The following ALK variants were observed in gnomAD, a reference collection of about 807,000 sequenced individuals.
ALK encodes the protein ALK tyrosine kinase receptor.
A neutral mutation model predicts 163.1 loss-of-function variants in ALK; 74 were observed. That is an observed-to-expected ratio of 0.45 (90% CI 0.38 to 0.55). The LOEUF (loss-of-function observed/expected upper bound fraction) is 0.55. Ranked by LOEUF, ALK falls within the 20% of genes least tolerant of loss-of-function variation. The probability of loss-of-function intolerance (pLI) is 0.00; values close to 1 mark genes in which losing one functional copy is unlikely to be tolerated. For synonymous variants in ALK, 960 were observed against 843.2 expected, an observed-to-expected ratio of 1.14 and a Z score of -2.40; for missense variants, 2,063 against 2,105.3, an observed-to-expected ratio of 0.98 and a Z score of 0.39.
At chr2:29,752,160 C>A (rs1010869362) in intron 1 of ALK, among the ~76,000 whole-genome samples, 2 of 152,040 alleles carry the variant, frequency 1.3e-5, no homozygotes, top group Non-Finnish European at 2.9e-5. Context: ...TCAGTAGAAA[C>A]CATATTTTAA....
At chr2:29,824,699 C>T (rs1406551501) in intron 1 of ALK, among the ~76,000 whole-genome samples, 1 of 152,246 alleles carries the variant, frequency 6.6e-6, no homozygotes, top group African/African-American at 2.4e-5. Flanking sequence ...TACCCAATGC[C>T]TGTACCCCCA....
Position 29,227,574 on chromosome 2 carries a change from C to T in ALK, c.2914G>A (p.Val972Met). The T allele has an allele frequency of 6.2e-7, 1 of 1,613,180 alleles. No homozygotes were observed. The highest frequency in any genetic ancestry group is 8.5e-7 in the Non-Finnish European group (1 of 1,179,188). The part of the protein sequence containing the change: ...LGILYTPALK[V>M]MEGHGEVNIK... ...TTCTGCTGCCTGGCAGAGAAGCTAC[C>T]TTTTAAAGCTGGGGTGTACAGGATG... Residue 972 changes from valine to methionine, a missense_variant and splice_region_variant, in exon 17 of 29, where the codon GTG becomes ATG. Physicochemically the swap from Val to Met is conservative, Grantham distance 21. Around this residue, in one of 5 missense-constraint regions of ALK, gnomAD observed 575 missense variants for 626.6 expected, o/e 0.92. Transcript: ENST00000389048. The surrounding 1 kb of genome is among the most constrained non-coding windows in gnomAD (Gnocchi z 4.4).
At chr2:29,453,835 G>GT (rs1209226522) in intron 4 of ALK, among the ~76,000 whole-genome samples, 1 of 152,138 alleles carries the variant, frequency 6.6e-6, no homozygotes, top group Non-Finnish European at 1.5e-5. Flanking sequence ...GAACAGGCCT[G>GT]TTAAGGACCT....
chr2:29,301,225 G>C (rs1188093439), intron 8 of ALK, among the ~76,000 whole-genome samples: 2 of 151,998 alleles, frequency 1.3e-5, no homozygotes, highest in South Asian at 2.1e-4. Context: ...TTTTCCTTCT[G>C]TCTTCTTAAA....
chr2:29,463,955 C>T (rs532694764), intron 4 of ALK, among the ~76,000 whole-genome samples: 2 of 152,308 alleles, frequency 1.3e-5, no homozygotes, highest in Admixed American at 1.3e-4. Flanking sequence ...AGAAAAGTTA[C>T]ACTTTCCCAG....
At position 29,566,186 on chromosome 2, in the gene ALK, G is replaced by A. The variant is rs116588845; in HGVS notation, c.953-34070C>T. 5.9e-3 allele frequency among the ~76,000 whole-genome samples: 900 copies of A among 152,236 alleles called. 8 individuals carry two copies. Among genetic ancestry groups the A allele is most frequent in the Non-Finnish European group, 6.5e-3 (442 of 68,028 alleles). On this transcript the variant is annotated intron_variant, in intron 3 of 28. Coordinates refer to ENST00000389048, the MANE Select transcript of ALK (RefSeq NM_004304.5). Reference sequence around the variant, plus strand: ...CGGTCCAATTTATTTCTGCATGTTCGCGAGGGCCATTCACCATGGCCAAAT... The same window carrying A: ...CGGTCCAATTTATTTCTGCATGTTCACGAGGGCCATTCACCATGGCCAAAT...
intron 4 of ALK, among the ~76,000 whole-genome samples, chr2:29,451,864 T>C (rs921421161): frequency 6.6e-6 from 1 of 152,328 alleles, no homozygotes; most frequent in African/African-American, 2.4e-5. Context: ...CGCTGTCCAG[T>C]GGACGTTATT....
intron 28 of ALK, among the ~76,000 whole-genome samples, chr2:29,195,312 G>A (rs1035806244): frequency 6.6e-6 from 1 of 152,146 alleles, no homozygotes; most frequent in Non-Finnish European, 1.5e-5. Flanking sequence ...CTTCAATAAC[G>A]TGATATAGGA....
At chr2:29,207,411 CAGG>C (rs1187235845) in intron 25 of ALK, 139 bp from the exon 26 acceptor site, 1 of 728,054 alleles carries the variant, frequency 1.4e-6, no homozygotes, top group Non-Finnish European at 2.5e-6. Context: ...CTTGGCGGTT[CAGG>C]AGGAGAGCAG....
At chr2:29,375,310 T>TC (rs754421988) in intron 5 of ALK, among the ~76,000 whole-genome samples, 23 of 152,070 alleles carry the variant, frequency 1.5e-4, no homozygotes, top group Non-Finnish European at 2.8e-4. Flanking sequence ...TATTTTATTT[T>TC]ATTTTTATTT....
At chr2:29,352,818 T>C (rs1490205953) in intron 5 of ALK, among the ~76,000 whole-genome samples, 2 of 152,218 alleles carry the variant, frequency 1.3e-5, no homozygotes, top group Non-Finnish European at 2.9e-5. Context: ...GAAACTGCCT[T>C]TGCAAAAATC....
At chr2:29,708,338 G>T (rs1024072254) in intron 2 of ALK, among the ~76,000 whole-genome samples, 3 of 152,078 alleles carry the variant, frequency 2.0e-5, no homozygotes, top group African/African-American at 7.2e-5. Flanking sequence ...CAAAGTGCTG[G>T]GATTACAGGC....
At chr2:29,450,453 A>G (rs987188282) in intron 4 of ALK, among the ~76,000 whole-genome samples, 2 of 152,080 alleles carry the variant, frequency 1.3e-5, no homozygotes, top group Admixed American at 6.5e-5. Flanking sequence ...TGACTGCAAC[A>G]AGGTCTTTGC....
intron 1 of ALK, among the ~76,000 whole-genome samples, chr2:29,792,934 T>A (rs1664223172): frequency 6.6e-6 from 1 of 152,176 alleles, no homozygotes; most frequent in African/African-American, 2.4e-5. Context: ...TCTGTGGCAA[T>A]TGCTTAAAAT....
At chr2:29,254,091 G>T (rs1664894659) in intron 11 of ALK, among the ~76,000 whole-genome samples, 1 of 152,164 alleles carries the variant, frequency 6.6e-6, no homozygotes, top group South Asian at 2.1e-4. Flanking sequence ...CCCCTTCACT[G>T]GGCACTCATT....
intron 1 of ALK, among the ~76,000 whole-genome samples, chr2:29,882,566 C>T (rs1406412473): frequency 6.6e-6 from 1 of 152,078 alleles, no homozygotes; most frequent in African/African-American, 2.4e-5. Flanking sequence ...TGGTGGTGCG[C>T]ACCTGTAGTC....
chr2:29,626,494 A>G (rs1165165248), intron 3 of ALK, among the ~76,000 whole-genome samples: 2 of 152,206 alleles, frequency 1.3e-5, no homozygotes, highest in African/African-American at 4.8e-5. Context: ...TTCCCCAGCC[A>G]TGTGGAACTG....
At chr2:29,875,062 T>C (rs946273450) in intron 1 of ALK, among the ~76,000 whole-genome samples, 2 of 152,202 alleles carry the variant, frequency 1.3e-5, no homozygotes, top group African/African-American at 4.8e-5. Flanking sequence ...CAGATACCTA[T>C]AAACCAATGT....
At chr2:29,812,096 G>A (rs369253478) in intron 1 of ALK, among the ~76,000 whole-genome samples, 9 of 152,126 alleles carry the variant, frequency 5.9e-5, no homozygotes, top group African/African-American at 1.9e-4. Flanking sequence ...CCGAAGGAAG[G>A]ACAAGTATGA....
Sources: gnomAD v4.1 joint callset for allele counts (sites outside exome capture counted in the v4.1 genomes callset) on GRCh38, gnomAD v4.1.1 for gene constraint, gnomAD v4.1.1 regional missense constraint, Gnocchi (gnomAD v3.1) non-coding constraint, MANE v1.5 for transcripts, NCBI Gene and HGNC (gene_info 2026-07-23, HGNC 2026-07-21) for gene names.